Variants in FHAD1 observed in about 807,000 individuals in gnomAD.
FHAD1 encodes forkhead associated phosphopeptide binding domain 1.
A neutral mutation model predicts 191.3 loss-of-function variants in FHAD1; 146 were observed. The ratio of observed to expected loss-of-function variants is 0.76; its 90% confidence interval spans 0.67 to 0.88. The LOEUF is 0.88. Ranked by LOEUF, FHAD1 falls within the 40% of genes least tolerant of loss-of-function variation. FHAD1 has a pLI of 0.00. For synonymous variants in FHAD1, 616 were observed against 672.3 expected (o/e 0.92, Z 1.29); for missense variants, 1,635 against 1,785.8 (o/e 0.92, Z 1.52).
chr1:15,282,401 C>T (rs1329471275), intron 3 of FHAD1, among the ~76,000 whole-genome samples: 3 of 152,156 alleles, frequency 2.0e-5, no homozygotes, highest in South Asian at 2.1e-4. Context: ...TCATAAATTC[C>T]ATAGAGCCAT....
At chr1:15,359,051 G>A (rs546203136) in intron 21 of FHAD1, among the ~76,000 whole-genome samples, 4 of 152,040 alleles carry the variant, frequency 2.6e-5, no homozygotes, top group Non-Finnish European at 5.9e-5. Context: ...CAGTGCCGAA[G>A]GAGACTGCAC....
chr1:15,352,015 A>T (rs1392675105), intron 19 of FHAD1, among the ~76,000 whole-genome samples: 1 of 152,158 alleles, frequency 6.6e-6, no homozygotes, highest in African/African-American at 2.4e-5. Context: ...AACGATTTTC[A>T]TTCATTTTTC....
At chr1:15,353,078 C>T in intron 20 of FHAD1, 94 bp downstream of exon 20, 2 of 896,764 alleles carry the variant, frequency 2.2e-6, no homozygotes, top group Non-Finnish European at 3.5e-6. Flanking sequence ...CTACCTCTCC[C>T]CATCCCTGGC....
At chr1:15,244,187 A>T (rs978357798), upstream of FHAD1, among the ~76,000 whole-genome samples, 1 of 152,158 alleles carries the variant, frequency 6.6e-6, no homozygotes, top group Admixed American at 6.5e-5. The surrounding 1 kb of genome is among the most constrained non-coding windows in gnomAD (Gnocchi z 5.1). Flanking sequence ...TTTTGAAATG[A>T]AAATGGATGA....
Position 15,381,484 on chromosome 1 carries a change from G to T in FHAD1, c.4022+33G>T, listed in dbSNP as rs2102991015. The stretch of plus-strand genomic sequence containing the variant: ...GGCACCCCCATGTCCCCACAGAAAG[G>T]CCCGGGCCTCCCTTCTCCTGGCTAA... On this transcript the variant is annotated intron_variant, in intron 30 of 33. Coordinates refer to ENST00000688493, the MANE Select transcript of FHAD1 (RefSeq NM_001391957.1). The surrounding 1 kb of genome is among the most constrained non-coding windows in gnomAD (Gnocchi z 4.6). 6.6e-7 allele frequency: 1 copy of T among 1,510,630 alleles called. No homozygotes were observed. The highest frequency in any genetic ancestry group is 9.0e-7 in the Non-Finnish European group (1 of 1,111,464). 93.6% of individuals were successfully genotyped at this position (1,510,630 alleles called of 1,614,324 possible). A position where few individuals can be genotyped will look rare whatever the true frequency, so the allele number is the denominator to read the frequency against.
At chr1:15,382,322 G>A in intron 31 of FHAD1, 129 bp downstream of exon 31, 1 of 921,008 alleles carries the variant, frequency 1.1e-6, no homozygotes, top group Non-Finnish European at 1.6e-6. Flanking sequence ...GGAGGCAACT[G>A]GATAGCTTTT....
intron 4 of FHAD1, among the ~76,000 whole-genome samples, chr1:15,296,403 G>A (rs113318149): frequency 0.038 from 5,754 of 151,874 alleles, 147 homozygotes; most frequent in Non-Finnish European, 0.051. Context: ...ATAGGCGCCC[G>A]CCACCACACC....
At chr1:15,356,514 C>G (rs994144357) in intron 20 of FHAD1, among the ~76,000 whole-genome samples, 2 of 152,122 alleles carry the variant, frequency 1.3e-5, no homozygotes, top group Admixed American at 1.3e-4. Flanking sequence ...GCTACGTGAC[C>G]CAGGCCACAC....
chr1:15,238,803 A>C (rs935211678), intron 1 of FHAD1, among the ~76,000 whole-genome samples: 4 of 152,184 alleles, frequency 2.6e-5, no homozygotes, highest in Non-Finnish European at 5.9e-5. Context: ...TTTCCAGAAA[A>C]ATACACATAG....
intron 1 of FHAD1, among the ~76,000 whole-genome samples, chr1:15,237,196 C>G (rs2100441299): frequency 6.6e-6 from 1 of 152,260 alleles, no homozygotes; most frequent in Admixed American, 6.5e-5. Flanking sequence ...CTTTATCACT[C>G]CACAGAAAGA....
At chr1:15,359,147 T>A (rs1403176591) in intron 21 of FHAD1, among the ~76,000 whole-genome samples, 1 of 151,600 alleles carries the variant, frequency 6.6e-6, no homozygotes, top group Non-Finnish European at 1.5e-5. Flanking sequence ...TGGTGGGGGG[T>A]TCTCTTGGAG....
intron 16 of FHAD1, chr1:15,343,628 GAA>G (rs1228221167): frequency 2.0e-5 from 3 of 152,100 alleles, no homozygotes; most frequent in Non-Finnish European, 2.9e-5. Flanking sequence ...GATTAAAAAA[GAA>G]GAGCCATCTG....
intron 18 of FHAD1, among the ~76,000 whole-genome samples, chr1:15,347,292 A>C (rs1689248781): frequency 1.3e-5 from 2 of 152,304 alleles, no homozygotes; most frequent in Admixed American, 1.3e-4. Context: ...AGAGACTTTG[A>C]GGCCACGGGG....
In FHAD1 at chr1:15,381,884, C is replaced by G. The variant is rs1700994461; in HGVS notation, c.4023-144C>G. ...TCGTTCTGCTCTCTGTACCCCAAATCTTCGTCATGCTCTCCTGCTTGTGAT... is the reference window on the plus strand; with the variant it reads ...TCGTTCTGCTCTCTGTACCCCAAATGTTCGTCATGCTCTCCTGCTTGTGAT... On this transcript the variant is annotated intron_variant, in intron 30 of 33. Transcript: ENST00000688493. This position sits in a 1 kb window ranked among gnomAD's most constrained non-coding sequence, Gnocchi z 4.6. The G allele has an allele frequency of 1.2e-6, 1 of 867,750 alleles. No individual in the cohort carries two copies. Among genetic ancestry groups the G allele is most frequent in the East Asian group, 2.7e-5 (1 of 36,994 alleles). The allele number at this position is 867,750 out of a possible 1,614,324, so 53.8% of individuals were successfully genotyped here.
At position 15,316,595 on chromosome 1, in the gene FHAD1, A is replaced by G. The variant is rs531223628; in HGVS notation, c.1260+128A>G. 1 of 781,740 alleles carries G rather than the reference A, an allele frequency of 1.3e-6. No individual in the cohort carries two copies. The highest frequency in any genetic ancestry group is 2.7e-5 in the Admixed American group (1 of 36,714). The allele number at this position is 781,740 out of a possible 1,614,324, so 48.4% of individuals were successfully genotyped here. A position where few individuals can be genotyped will look rare whatever the true frequency, so the allele number is the denominator to read the frequency against. ...GGCTCTGTGCTTGCTTGTTTAACAT[A>G]GTCTCATTGCTCTTTGATCTGCTGC... On this transcript the variant is annotated intron_variant, in intron 9 of 33. Coordinates refer to ENST00000688493, the MANE Select transcript of FHAD1 (RefSeq NM_001391957.1). The surrounding 1 kb of genome is among the most constrained non-coding windows in gnomAD (Gnocchi z 4.3).
At chr1:15,348,906 G>A (rs1034885231) in intron 18 of FHAD1, 136 bp from the exon 19 acceptor site, 9 of 622,098 alleles carry the variant, frequency 1.4e-5, no homozygotes, top group Non-Finnish European at 2.0e-5. Flanking sequence ...CTGGCCAGGG[G>A]CCCAGGTGTA....
intron 28 of FHAD1, among the ~76,000 whole-genome samples, chr1:15,378,476 T>C (rs1324845957): frequency 6.6e-6 from 1 of 152,122 alleles, no homozygotes; most frequent in Non-Finnish European, 1.5e-5. Context: ...GGACTCTTCC[T>C]TAGGTCACCC....
intron 26 of FHAD1, among the ~76,000 whole-genome samples, chr1:15,372,772 T>A (rs1217182361): frequency 1.3e-5 from 2 of 152,244 alleles, no homozygotes; most frequent in Non-Finnish European, 1.5e-5. Context: ...GTCAGTTTCT[T>A]CTCTTTCTTG....
intron 14 of FHAD1, among the ~76,000 whole-genome samples, chr1:15,337,052 G>A (rs983898128): frequency 3.3e-5 from 5 of 152,236 alleles, no homozygotes; most frequent in Admixed American, 1.3e-4. Flanking sequence ...CGCCTCTGCA[G>A]GAGGGGCTGC....
Sources: gnomAD v4.1 joint callset for allele counts (sites outside exome capture counted in the v4.1 genomes callset) on GRCh38, gnomAD v4.1.1 for gene constraint, Gnocchi (gnomAD v3.1) non-coding constraint, MANE v1.5 for transcripts, NCBI Gene and HGNC (gene_info 2026-07-23, HGNC 2026-07-21) for gene names.